Variants in CCDC102B observed in about 807,000 individuals in gnomAD.
The protein encoded by CCDC102B is coiled-coil domain-containing protein 102B.
CCDC102B carries 75 observed loss-of-function variants against 57.4 expected under a neutral mutation model. The observed-to-expected ratio is 1.31, with a 90% CI of 1.08 to 1.58. The LOEUF (loss-of-function observed/expected upper bound fraction) is 1.58, where lower values mean the gene tolerates loss of function less well. Ranked by LOEUF, CCDC102B falls within the 40% of genes most tolerant of loss-of-function variation. The probability of loss-of-function intolerance (pLI) is 0.00; values close to 1 mark genes in which losing one functional copy is unlikely to be tolerated. For synonymous variants in CCDC102B, 206 were observed against 201.9 expected, an observed-to-expected ratio of 1.02 and a Z score of -0.17; for missense variants, 636 against 582.6, an observed-to-expected ratio of 1.09 and a Z score of -0.94.
chr18:69,051,834 G>GA (rs1438035130), intron 7 of CCDC102B, among the ~76,000 whole-genome samples: 2 of 151,284 alleles, frequency 1.3e-5, no homozygotes, highest in African/African-American at 4.9e-5. Context: ...GTTTGTATAG[G>GA]AAAAAAATAA....
At chr18:68,850,959 C>A (rs970873992) in intron 4 of CCDC102B, among the ~76,000 whole-genome samples, 1 of 151,892 alleles carries the variant, frequency 6.6e-6, no homozygotes, top group Non-Finnish European at 1.5e-5. Context: ...CAAAGCAACA[C>A]GTAATATTTT....
chr18:68,959,140 T>G (rs1057039965), intron 6 of CCDC102B, among the ~76,000 whole-genome samples: 15 of 152,168 alleles, frequency 9.9e-5, no homozygotes, highest in Admixed American at 6.5e-4. Context: ...CCCATCGTTT[T>G]TGGGAAAGCT....
chr18:69,026,104 G>T (rs767423692), intron 7 of CCDC102B, among the ~76,000 whole-genome samples: 1 of 152,112 alleles, frequency 6.6e-6, no homozygotes, highest in Non-Finnish European at 1.5e-5. Context: ...TTCTGCGGGG[G>T]AGAACGTGTG....
intron 2 of CCDC102B, among the ~76,000 whole-genome samples, chr18:68,774,981 ATATTTG>A: frequency 6.6e-6 from 1 of 150,748 alleles, no homozygotes; most frequent in East Asian, 1.9e-4. Context: ...TGCTATATAC[ATATTTG>A]TATATGTACA....
At chr18:68,929,377 C>T (rs1315818900) in intron 6 of CCDC102B, among the ~76,000 whole-genome samples, 1 of 151,758 alleles carries the variant, frequency 6.6e-6, no homozygotes, top group Non-Finnish European at 1.5e-5. Flanking sequence ...AATTTTTATC[C>T]TTCTGAGTTT....
chr18:68,913,981 G>C (rs186166502), intron 6 of CCDC102B, among the ~76,000 whole-genome samples: 79 of 152,268 alleles, frequency 5.2e-4, no homozygotes, highest in Middle Eastern at 3.4e-3. Flanking sequence ...GGAATTACTA[G>C]GCATGTAACT....
At chr18:69,043,583 C>T (rs2052486300) in intron 7 of CCDC102B, among the ~76,000 whole-genome samples, 1 of 152,124 alleles carries the variant, frequency 6.6e-6, no homozygotes, top group African/African-American at 2.4e-5. Context: ...TCTTAAGGAG[C>T]ATGCTGCCTT....
chr18:68,833,441 C>T (rs2037231404), intron 1 of CCDC102B, among the ~76,000 whole-genome samples: 2 of 147,028 alleles, frequency 1.4e-5, no homozygotes, highest in East Asian at 2.0e-4. Context: ...GGGAAAAACA[C>T]ACAAAAAAGT....
intron 7 of CCDC102B, among the ~76,000 whole-genome samples, chr18:69,039,282 A>G (rs1269931972): frequency 6.6e-6 from 1 of 152,012 alleles, no homozygotes; most frequent in South Asian, 2.1e-4. Flanking sequence ...TATTAAATTA[A>G]CATTATATAG....
At chr18:68,860,538 A>C in intron 4 of CCDC102B, among the ~76,000 whole-genome samples, 1 of 117,618 alleles carries the variant, frequency 8.5e-6, no homozygotes, top group Non-Finnish European at 1.8e-5. Context: ...CCCTCCCTAC[A>C]CCCCTGCCAC....
At position 68,911,001 on chromosome 18, in the gene CCDC102B, T is replaced by A. The variant is rs766264432; in HGVS notation, c.1263+13573T>A. On this transcript the variant is annotated intron_variant, in intron 6 of 7. Coordinates refer to ENST00000360242, the MANE Select transcript of CCDC102B (RefSeq NM_024781.3). ...CACTGTTGGTGGGAGTGTAAATGAG[T>A]TCAACTGTTGTGGAAAGCAGTGTGG... 7.3e-5 allele frequency among the ~76,000 whole-genome samples: 11 copies of A among 151,500 alleles called. No individual in the cohort carries two copies. In the East Asian group the frequency reaches 1.7e-3, roughly 24 times the overall value.
At chr18:68,975,413 A>T (rs145376856) in intron 6 of CCDC102B, among the ~76,000 whole-genome samples, 1 of 152,194 alleles carries the variant, frequency 6.6e-6, no homozygotes, top group African/African-American at 2.4e-5. Context: ...ATGTGAACCA[A>T]ATATTTGAGA....
chr18:68,907,865 C>T (rs753857938), intron 6 of CCDC102B, among the ~76,000 whole-genome samples: 41 of 152,268 alleles, frequency 2.7e-4, no homozygotes, highest in Middle Eastern at 3.4e-3. Context: ...TATTGGGGCT[C>T]ATCTTAGGGG....
intron 6 of CCDC102B, among the ~76,000 whole-genome samples, chr18:68,962,459 CATATT>C (rs1023064042): frequency 2.8e-4 from 43 of 151,936 alleles, no homozygotes; most frequent in African/African-American, 8.9e-4. Flanking sequence ...ATACTCAAAA[CATATT>C]ATTATTGTAC....
rs147730124 is a variant in CCDC102B, at chr18:69,050,740, A to T, written c.1435-3290A>T. Among the ~76,000 whole-genome samples, 387 of 152,280 alleles carry T rather than the reference A, an allele frequency of 2.5e-3. 2 individuals are homozygous for T. The highest frequency in any genetic ancestry group is 8.1e-3 in the African/African-American group (336 of 41,570). On this transcript the variant is annotated intron_variant, in intron 7 of 7. Transcript: ENST00000360242. ...ATGGGAAAACTGTAATATGAACCCT[A>T]ATTGATTTCAAAGCTTAAAGAACTA...
At chr18:68,857,256 T>TTATATATTATATA (rs1207346944) in intron 4 of CCDC102B, among the ~76,000 whole-genome samples, 2 of 55,260 alleles carry the variant, frequency 3.6e-5, no homozygotes, top group Non-Finnish European at 7.3e-5. Context: ...ATTTATTATT[T>TTATATATTATATA]AAATATATAA....
At chr18:68,755,323 C>G (rs2034008386) in intron 2 of CCDC102B, among the ~76,000 whole-genome samples, 1 of 152,144 alleles carries the variant, frequency 6.6e-6, no homozygotes, top group African/African-American at 2.4e-5. Flanking sequence ...GCTCAGCCTG[C>G]TGGACCTCTG....
At chr18:68,715,217 A>G (rs2031862119), upstream of CCDC102B, 3 of 1,379,944 alleles carry the variant, frequency 2.2e-6, no homozygotes, top group Admixed American at 3.4e-5. Flanking sequence ...TCATGTCTTA[A>G]GAATCCTTTG....
intron 6 of CCDC102B, among the ~76,000 whole-genome samples, chr18:68,975,771 C>T (rs942247971): frequency 5.3e-5 from 8 of 151,430 alleles, no homozygotes; most frequent in African/African-American, 1.9e-4. Context: ...TTCATTCATT[C>T]ACTAATTCTT....
Sources: allele counts gnomAD v4.1 joint callset (sites outside exome capture counted in the v4.1 genomes callset), GRCh38; gene constraint gnomAD v4.1.1; transcripts MANE v1.5; gene names NCBI Gene and HGNC (gene_info 2026-07-23, HGNC 2026-07-21).